The following ZBTB8A variants were observed in gnomAD, a reference collection of about 807,000 sequenced individuals.
ZBTB8A encodes the protein zinc finger and BTB domain-containing protein 8A.
A neutral mutation model predicts 37.8 loss-of-function variants in ZBTB8A; 19 were observed. The ratio of observed to expected loss-of-function variants is 0.50; its 90% confidence interval spans 0.35 to 0.74. The LOEUF is 0.74. Ranked by LOEUF, ZBTB8A falls within the 30% of genes least tolerant of loss-of-function variation. The pLI, the probability that ZBTB8A is intolerant of heterozygous loss-of-function variation, is 0.01. For missense variants in ZBTB8A, 394 were observed against 537.8 expected (o/e 0.73, Z 2.65); for synonymous variants, 181 against 185.2 (o/e 0.98, Z 0.19).
At chr1:32,595,755 T>C (rs1292922975) in intron 4 of ZBTB8A, among the ~76,000 whole-genome samples, 3 of 152,030 alleles carry the variant, frequency 2.0e-5, no homozygotes, top group African/African-American at 7.2e-5. Context: ...GCTCAAATTA[T>C]CCTCCCGCCT....
At chr1:32,542,780 T>C (rs1409858217) in intron 1 of ZBTB8A, among the ~76,000 whole-genome samples, 1 of 152,224 alleles carries the variant, frequency 6.6e-6, no homozygotes, top group Non-Finnish European at 1.5e-5. Flanking sequence ...TTCTGTTATA[T>C]TCTTGGGACT....
intron 1 of ZBTB8A, among the ~76,000 whole-genome samples, chr1:32,548,875 C>T (rs1165681757): frequency 2.6e-5 from 4 of 152,108 alleles, no homozygotes; most frequent in Non-Finnish European, 5.9e-5. Flanking sequence ...CTGTATTAGT[C>T]CATGCTCTCA....
chr1:32,588,501 A>G (rs1425627823), intron 2 of ZBTB8A, among the ~76,000 whole-genome samples: 5 of 152,024 alleles, frequency 3.3e-5, no homozygotes, highest in Admixed American at 3.3e-4. Flanking sequence ...GATTAGGAAA[A>G]TGGAGAAGAA....
At chr1:32,557,691 C>T (rs1001046913) in intron 2 of ZBTB8A, among the ~76,000 whole-genome samples, 1 of 152,096 alleles carries the variant, frequency 6.6e-6, no homozygotes, top group Non-Finnish European at 1.5e-5. Flanking sequence ...TCTCAAACTC[C>T]TGAGCTCAAA....
Position 32,605,933 on chromosome 1 carries a change from T to C in ZBTB8A, c.*5514T>C, listed in dbSNP as rs1019188432. 8 of 152,182 alleles carry C rather than the reference T, an allele frequency of 5.3e-5. No homozygotes were observed. The highest frequency in any genetic ancestry group is 1.9e-4 in the African/African-American group (8 of 41,452). The allele number at this position is 152,182 out of a possible 1,614,324, so 9.4% of individuals were successfully genotyped here. ...TACATTCTATATGGAATAAATGTTA[T>C]GTAAAGGATGTGACTTTAGTTATGT... On this transcript the variant is annotated 3_prime_UTR_variant, in exon 5 of 5. Coordinates refer to ENST00000373510, the MANE Select transcript of ZBTB8A (RefSeq NM_001040441.3).
chr1:32,594,505 G>A (rs908451655), intron 3 of ZBTB8A, among the ~76,000 whole-genome samples: 3 of 151,896 alleles, frequency 2.0e-5, no homozygotes, highest in Non-Finnish European at 4.4e-5. Context: ...GCTCACGCCT[G>A]TAATCCCAGC....
intron 4 of ZBTB8A, 144 bp from the exon 5 acceptor site, chr1:32,599,943 C>T (rs1570377687): frequency 3.2e-6 from 2 of 626,252 alleles, no homozygotes; most frequent in East Asian, 2.8e-5. Context: ...CCACTAAAAC[C>T]CTTGATCTTT....
chr1:32,539,855 G>A (rs1488184032), intron 1 of ZBTB8A, among the ~76,000 whole-genome samples: 7 of 148,924 alleles, frequency 4.7e-5, no homozygotes, highest in African/African-American at 1.7e-4. Flanking sequence ...TGGAGGCGGC[G>A]GCGGGAAGGC....
At chr1:32,569,912 T>C (rs1049263666) in intron 2 of ZBTB8A, among the ~76,000 whole-genome samples, 2 of 152,130 alleles carry the variant, frequency 1.3e-5, no homozygotes, top group Admixed American at 6.6e-5. Flanking sequence ...TGTGAGCCAC[T>C]GCACTTGGTG....
At chr1:32,545,342 C>G (rs181143024) in intron 1 of ZBTB8A, among the ~76,000 whole-genome samples, 396 of 152,214 alleles carry the variant, frequency 2.6e-3, no homozygotes, top group Admixed American at 6.0e-3. Flanking sequence ...ATTAATGATG[C>G]TAAACATCTC....
intron 2 of ZBTB8A, among the ~76,000 whole-genome samples, chr1:32,572,216 T>C (rs966666920): frequency 2.6e-5 from 4 of 152,220 alleles, no homozygotes; most frequent in African/African-American, 7.2e-5. Context: ...TGAAAGTGTT[T>C]GCATAGATGA....
chr1:32,550,617 G>A (rs1350168212), intron 1 of ZBTB8A, among the ~76,000 whole-genome samples: 3 of 150,958 alleles, frequency 2.0e-5, no homozygotes, highest in Non-Finnish European at 4.4e-5. Flanking sequence ...ATGAGACCCT[G>A]TAGCAAAAAC....
At chr1:32,580,885 A>T (rs1046853220) in intron 2 of ZBTB8A, among the ~76,000 whole-genome samples, 1 of 151,438 alleles carries the variant, frequency 6.6e-6, no homozygotes. Context: ...GAGAGACAAC[A>T]AGGGGGCCAA....
chr1:32,543,662 T>C (rs1644076526), intron 1 of ZBTB8A, among the ~76,000 whole-genome samples: 1 of 152,102 alleles, frequency 6.6e-6, no homozygotes, highest in Non-Finnish European at 1.5e-5. Context: ...TTATGACTAG[T>C]TTCTGTAACT....
At chr1:32,574,147 A>G (rs1319940968) in intron 2 of ZBTB8A, among the ~76,000 whole-genome samples, 1 of 152,148 alleles carries the variant, frequency 6.6e-6, no homozygotes, top group African/African-American at 2.4e-5. Context: ...TTGAACTGCA[A>G]ACAACACATT....
At chr1:32,548,483 C>T (rs1250356819) in intron 1 of ZBTB8A, among the ~76,000 whole-genome samples, 3 of 151,952 alleles carry the variant, frequency 2.0e-5, no homozygotes, top group Non-Finnish European at 2.9e-5. Context: ...TACAGGCACC[C>T]GCCATCATGC....
At chr1:32,553,249 G>A (rs939714212) in intron 1 of ZBTB8A, among the ~76,000 whole-genome samples, 2 of 151,938 alleles carry the variant, frequency 1.3e-5, no homozygotes, top group African/African-American at 4.8e-5. Context: ...TAATAGAGAT[G>A]GGGTTTCACC....
At chr1:32,549,650 A>AGCCTAGGAGTT (rs1416516842) in intron 1 of ZBTB8A, among the ~76,000 whole-genome samples, 1 of 152,192 alleles carries the variant, frequency 6.6e-6, no homozygotes, top group Non-Finnish European at 1.5e-5. Flanking sequence ...GATCCCCTTG[A>AGCCTAGGAGTT]GCCTAGGAGT....
intron 1 of ZBTB8A, among the ~76,000 whole-genome samples, chr1:32,550,547 C>G (rs943522082): frequency 2.0e-5 from 3 of 152,172 alleles, no homozygotes; most frequent in Non-Finnish European, 4.4e-5. Flanking sequence ...TCCCTTGAAC[C>G]TGGGAGGCAG....
Sources: gnomAD v4.1 joint callset for allele counts (sites outside exome capture counted in the v4.1 genomes callset) on GRCh38, gnomAD v4.1.1 for gene constraint, MANE v1.5 for transcripts, NCBI Gene and HGNC (gene_info 2026-07-23, HGNC 2026-07-21) for gene names.